The following LRRTM4 variants were observed in gnomAD, a reference collection of about 807,000 sequenced individuals.
The protein encoded by LRRTM4 is leucine rich repeat transmembrane neuronal 4, also known as leucine-rich repeat transmembrane neuronal protein 4.
LRRTM4 carries 25 observed loss-of-function variants against 47.6 expected under a neutral mutation model. That is an observed-to-expected ratio of 0.53 (90% confidence interval 0.38 to 0.73). LRRTM4 has a LOEUF of 0.73. Ranked by LOEUF, LRRTM4 falls within the 30% of genes least tolerant of loss-of-function variation. The probability of loss-of-function intolerance (pLI) is 0.00; values close to 1 mark genes in which losing one functional copy is unlikely to be tolerated. For synonymous variants in LRRTM4, 311 were observed against 269.5 expected, an observed-to-expected ratio of 1.15 and a Z score of -1.51; for missense variants, 638 against 713.4, an observed-to-expected ratio of 0.89 and a Z score of 1.20.
Position 77,047,058 on chromosome 2 carries a change from C to A in LRRTM4, c.1552-298142G>T, listed in dbSNP as rs1049979250. On this transcript the variant is annotated intron_variant, in intron 3 of 3. Coordinates refer to ENST00000409884, the MANE Select transcript of LRRTM4 (RefSeq NM_001134745.3). ...TATAATGCATTTACTGGTTCAGAAA[C>A]ATGTTACATCTCAGTTTGGGAGTAA... 2.0e-5 allele frequency among the ~76,000 whole-genome samples: 3 copies of A among 152,028 alleles called. No individual in the cohort carries two copies. In the South Asian group the frequency reaches 6.2e-4, roughly 31 times the overall value.
chr2:76,923,179 G>C (rs569679784), intron 3 of LRRTM4, among the ~76,000 whole-genome samples: 1 of 151,966 alleles, frequency 6.6e-6, no homozygotes, highest in Non-Finnish European at 1.5e-5. Flanking sequence ...ATTAAAAAGA[G>C]ATAGGTTTTA....
intron 3 of LRRTM4, among the ~76,000 whole-genome samples, chr2:76,994,596 A>C (rs1403626007): frequency 1.3e-5 from 2 of 151,954 alleles, no homozygotes; most frequent in Admixed American, 6.6e-5. Flanking sequence ...AAATAGGATA[A>C]AATTTCAAAT....
chr2:77,043,038 G>A (rs1236658919), intron 3 of LRRTM4, among the ~76,000 whole-genome samples: 2 of 151,756 alleles, frequency 1.3e-5, no homozygotes, highest in Non-Finnish European at 2.9e-5. Context: ...ATTTACTCAG[G>A]CCTAGGAAAC....
At chr2:76,874,030 T>G (rs1289022626) in intron 3 of LRRTM4, among the ~76,000 whole-genome samples, 1 of 151,982 alleles carries the variant, frequency 6.6e-6, no homozygotes, top group African/African-American at 2.4e-5. Flanking sequence ...CAATCAAACA[T>G]TTACTCCCCC....
Position 77,517,690 on chromosome 2 carries a change from G to A in LRRTM4, c.1551+628C>T, listed in dbSNP as rs527264206. The A allele has an allele frequency of 6.6e-6, 6 of 907,232 alleles. No homozygotes were observed. The East Asian group carries it at 6.2e-4, about 93-fold the overall frequency. 56.2% of individuals were successfully genotyped at this position (907,232 alleles called of 1,614,324 possible). On this transcript the variant is annotated intron_variant, in intron 3 of 3. Coordinates refer to ENST00000409884, the MANE Select transcript of LRRTM4 (RefSeq NM_001134745.3). Reference sequence around the variant, plus strand: ...AGGAGTGAAAGAAAGTAGGAAAGAAGGAAACAAAAAAAAAAAAAGAAAGAA... The same window carrying A: ...AGGAGTGAAAGAAAGTAGGAAAGAAAGAAACAAAAAAAAAAAAAGAAAGAA...
intron 3 of LRRTM4, among the ~76,000 whole-genome samples, chr2:76,761,580 C>G (rs878955552): frequency 1.3e-5 from 2 of 152,184 alleles, no homozygotes; most frequent in Non-Finnish European, 1.5e-5. Context: ...TGGCCAAACA[C>G]TTTCACAATC....
chr2:77,484,153 C>T (rs568812488), intron 3 of LRRTM4, among the ~76,000 whole-genome samples: 1 of 152,320 alleles, frequency 6.6e-6, no homozygotes, highest in South Asian at 2.1e-4. Context: ...TAAACAAATG[C>T]TGGCATTCAC....
At chr2:76,840,571 A>C (rs1232881017) in intron 3 of LRRTM4, among the ~76,000 whole-genome samples, 1 of 152,226 alleles carries the variant, frequency 6.6e-6, no homozygotes, top group Non-Finnish European at 1.5e-5. Context: ...GAATCATTAA[A>C]GGAACAAACG....
chr2:76,793,602 CGGTA>C (rs1378267844), intron 3 of LRRTM4, among the ~76,000 whole-genome samples: 5 of 99,166 alleles, frequency 5.0e-5, no homozygotes, highest in Admixed American at 2.3e-4. Flanking sequence ...ACTGTGCTCT[CGGTA>C]AGTTAAGTTT....
intron 3 of LRRTM4, among the ~76,000 whole-genome samples, chr2:77,476,906 G>A (rs535208472): frequency 6.6e-5 from 10 of 151,662 alleles, no homozygotes; most frequent in Admixed American, 2.6e-4. Context: ...TTTGAAAAAT[G>A]CTACTTCTAA....
At chr2:76,829,514 A>G (rs895955674) in intron 3 of LRRTM4, among the ~76,000 whole-genome samples, 1 of 141,912 alleles carries the variant, frequency 7.0e-6, no homozygotes, top group Non-Finnish European at 1.5e-5. Flanking sequence ...CTAATCTCTA[A>G]TTACATACTG....
intron 3 of LRRTM4, among the ~76,000 whole-genome samples, chr2:76,797,144 AC>A (rs778888815): frequency 9.9e-5 from 15 of 152,006 alleles, no homozygotes; most frequent in Non-Finnish European, 1.8e-4. Flanking sequence ...GAGAAGAGCT[AC>A]TCCAATACAC....
chr2:77,026,968 C>T (rs1678475926), intron 3 of LRRTM4, among the ~76,000 whole-genome samples: 1 of 152,012 alleles, frequency 6.6e-6, no homozygotes, highest in Non-Finnish European at 1.5e-5. Context: ...AGAAAATCAC[C>T]CTTTCCCATT....
chr2:77,224,537 A>G (rs1674745072), intron 3 of LRRTM4, among the ~76,000 whole-genome samples: 1 of 152,212 alleles, frequency 6.6e-6, no homozygotes, highest in Non-Finnish European at 1.5e-5. Flanking sequence ...CAACCCCATC[A>G]AAAAGTGGGC....
intron 3 of LRRTM4, among the ~76,000 whole-genome samples, chr2:76,873,506 G>GTATATATATATATATATATGTGTGTA (rs1672692579): frequency 1.8e-5 from 2 of 112,312 alleles, no homozygotes; most frequent in Non-Finnish European, 3.8e-5. Flanking sequence ...ATATATGTGT[G>GTATATATATATATATATATGTGTGTA]TATATATATA....
At chr2:77,108,684 C>G (rs192190555) in intron 3 of LRRTM4, among the ~76,000 whole-genome samples, 4,246 of 150,670 alleles carry the variant, frequency 0.028, 163 homozygotes, top group African/African-American at 0.09. Flanking sequence ...CCCGGGTTCA[C>G]GCCATTCTCC....
At chr2:76,797,004 G>C (rs1276300938) in intron 3 of LRRTM4, among the ~76,000 whole-genome samples, 1 of 152,108 alleles carries the variant, frequency 6.6e-6, no homozygotes, top group Non-Finnish European at 1.5e-5. Context: ...GTACCTGAAA[G>C]TGATGGGGAG....
At chr2:76,825,715 A>G (rs12105500) in intron 3 of LRRTM4, among the ~76,000 whole-genome samples, 60,260 of 151,278 alleles carry the variant, frequency 0.4, 13,475 homozygotes, top group East Asian at 0.69. Context: ...TTGTGTTTAA[A>G]TTCATGAGAC....
At chr2:76,906,688 G>T (rs1409507683) in intron 3 of LRRTM4, among the ~76,000 whole-genome samples, 6 of 151,734 alleles carry the variant, frequency 4.0e-5, no homozygotes, top group African/African-American at 1.5e-4. Flanking sequence ...AAAGGCAGGG[G>T]TTGCAATCCT....
Sources: allele counts gnomAD v4.1 joint callset (sites outside exome capture counted in the v4.1 genomes callset), GRCh38; gene constraint gnomAD v4.1.1; transcripts MANE v1.5; gene names NCBI Gene and HGNC (gene_info 2026-07-23, HGNC 2026-07-21).